Variants in RTN4R observed in about 807,000 individuals in gnomAD.
The protein encoded by RTN4R is reticulon 4 receptor, also known as reticulon-4 receptor.
RTN4R carries 4 observed loss-of-function variants against 27.7 expected under a neutral mutation model. The observed-to-expected ratio is 0.14, with a 90% CI of 0.07 to 0.33. The LOEUF (loss-of-function observed/expected upper bound fraction) is 0.33. Among genes scored for constraint, RTN4R ranks in the 10% least tolerant of loss-of-function variants. RTN4R has a pLI of 1.00. For missense variants in RTN4R, 554 were observed against 671.5 expected (o/e 0.83, Z 1.93); for synonymous variants, 290 against 305.6 (o/e 0.95, Z 0.53).
At chr22:20,246,364 A>G (rs2051140932) in intron 1 of RTN4R, among the ~76,000 whole-genome samples, 1 of 152,160 alleles carries the variant, frequency 6.6e-6, no homozygotes, top group African/African-American at 2.4e-5. Flanking sequence ...CGGGAGCAAC[A>G]GGCAGCCCAG....
chr22:20,268,305 C>CGCG lies in RTN4R; in HGVS notation c.-214_-213insCGC, dbSNP rs2051292962. On this transcript the variant is annotated 5_prime_UTR_variant, in exon 1 of 2. Transcript: ENST00000043402. ...CGCAGGGCGCACAGGGCGAGGGCGG[C>CGCG]GGCGGCGCGGGGGTTGGGGCGTGGG... The CGCG allele has an allele frequency of 2.5e-3, 2 of 810 alleles. No homozygotes were observed. Among genetic ancestry groups the CGCG allele is most frequent in the African/African-American group, 4.7e-3 (1 of 214 alleles). The allele number at this position is 810 out of a possible 1,614,324, so 0.1% of individuals were successfully genotyped here. A position where few individuals can be genotyped will look rare whatever the true frequency, so the allele number is the denominator to read the frequency against.
At chr22:20,253,817 G>T (rs1169415437) in intron 1 of RTN4R, among the ~76,000 whole-genome samples, 1 of 150,806 alleles carries the variant, frequency 6.6e-6, no homozygotes, top group East Asian at 2.0e-4. Context: ...AAGAGTGCCT[G>T]GAAATTAAAA....
chr22:20,241,738 C>A lies in RTN4R; in HGVS notation c.1395G>T (p.Val465=). 1.9e-6 allele frequency: 3 copies of A among 1,550,794 alleles called. No individual in the cohort carries two copies. The highest frequency in any genetic ancestry group is 2.6e-6 in the Non-Finnish European group (3 of 1,147,162). The change falls in exon 2 of 2, where the codon GTG becomes GTT. Residue 465 remains valine (V), a synonymous_variant. Coordinates refer to ENST00000043402, the MANE Select transcript of RTN4R (RefSeq NM_023004.6). ...AGCAGGGCCCAAGCACTGTCCACAG[C>A]ACCAGCGCCAGGCCCAGGGGGGTGA... ...CSLTPLGLAL[V]LWTVLGPC is the part of the protein sequence containing the mutation.
intron 1 of RTN4R, among the ~76,000 whole-genome samples, chr22:20,267,849 G>A (rs951652187): frequency 6.6e-6 from 1 of 151,998 alleles, no homozygotes; most frequent in Non-Finnish European, 1.5e-5. Context: ...CAACTTTCCC[G>A]GGAAGCGGCA....
chr22:20,248,735 G>A (rs1385556227), intron 1 of RTN4R, among the ~76,000 whole-genome samples: 1 of 152,178 alleles, frequency 6.6e-6, no homozygotes, highest in Non-Finnish European at 1.5e-5. Flanking sequence ...GAGCCACAGA[G>A]GCCTGAGCCA....
chr22:20,262,041 C>T (rs886194217), intron 1 of RTN4R, among the ~76,000 whole-genome samples: 1 of 152,192 alleles, frequency 6.6e-6, no homozygotes, highest in Admixed American at 6.5e-5. Context: ...GAGCCGGGGC[C>T]GGCTGTGGCC....
chr22:20,243,674 C>T (rs576077666), intron 1 of RTN4R: 13 of 393,688 alleles, frequency 3.3e-5, no homozygotes, highest in African/African-American at 6.3e-5. Flanking sequence ...AGCCTGCTCC[C>T]TCCTCCACAC....
At position 20,243,084 on chromosome 22, in the gene RTN4R, A is replaced by G; in HGVS notation, c.49T>C (p.Trp17Arg). ...GGSRLLAWVL[W>R]LQAWQVAAPC... ...GCTGCCACCTGCCAGGCCTGCAGCC[A>G]CAGCACCCATGCCAGCAGCCGGCTC... The change falls in exon 2 of 2, where the codon TGG becomes CGG. Residue 17 changes from tryptophan (W) to arginine (R), a missense_variant. Physicochemically the swap from Trp to Arg is moderately radical, Grantham distance 101. Transcript: ENST00000043402. 1.9e-6 allele frequency: 3 copies of G among 1,600,198 alleles called. No individual in the cohort carries two copies. The highest frequency in any genetic ancestry group is 2.5e-6 in the Non-Finnish European group (3 of 1,179,808).
intron 1 of RTN4R, among the ~76,000 whole-genome samples, chr22:20,249,451 T>G (rs1164898141): frequency 1.3e-5 from 2 of 152,206 alleles, no homozygotes; most frequent in Admixed American, 6.5e-5. Flanking sequence ...TGCACAAGGC[T>G]GACCACTGCC....
chr22:20,256,290 A>G (rs987394004), intron 1 of RTN4R, among the ~76,000 whole-genome samples: 2 of 152,198 alleles, frequency 1.3e-5, no homozygotes, highest in African/African-American at 2.4e-5. Context: ...GCGTCACCAC[A>G]GGGTCATCAG....
intron 1 of RTN4R, among the ~76,000 whole-genome samples, chr22:20,265,664 C>T (rs2145987335): frequency 6.6e-6 from 1 of 152,360 alleles, no homozygotes; most frequent in East Asian, 1.9e-4. Flanking sequence ...CCCCTCTCCA[C>T]TCACCTGTGG....
chr22:20,262,500 C>T (rs2051253728), intron 1 of RTN4R, among the ~76,000 whole-genome samples: 2 of 152,204 alleles, frequency 1.3e-5, no homozygotes, highest in Non-Finnish European at 2.9e-5. Flanking sequence ...TCCACCTCCA[C>T]CTTCCACATC....
chr22:20,266,860 G>A (rs1233813130), intron 1 of RTN4R, among the ~76,000 whole-genome samples: 1 of 152,238 alleles, frequency 6.6e-6, no homozygotes, highest in African/African-American at 2.4e-5. Context: ...AGACACACGT[G>A]CAGATGCATA....
chr22:20,248,562 G>A (rs1472598407), intron 1 of RTN4R, among the ~76,000 whole-genome samples: 5 of 152,218 alleles, frequency 3.3e-5, no homozygotes, highest in African/African-American at 7.2e-5. Context: ...CCCTCCCTCC[G>A]TACCTTGGCA....
chr22:20,261,918 C>G (rs181403602), intron 1 of RTN4R, among the ~76,000 whole-genome samples: 15 of 152,352 alleles, frequency 9.8e-5, no homozygotes, highest in African/African-American at 3.6e-4. Flanking sequence ...ACGAAGGGGC[C>G]AAAGCTTCAC....
intron 1 of RTN4R, among the ~76,000 whole-genome samples, chr22:20,249,448 G>A (rs1038354142): frequency 5.3e-5 from 8 of 152,356 alleles, no homozygotes; most frequent in Admixed American, 5.2e-4. Flanking sequence ...GCATGCACAA[G>A]GCTGACCACT....
intron 1 of RTN4R, among the ~76,000 whole-genome samples, chr22:20,246,853 G>A (rs1197365612): frequency 2.0e-5 from 3 of 152,232 alleles, no homozygotes; most frequent in South Asian, 2.1e-4. Context: ...TGGGATCACC[G>A]GAGGGTCCCA....
chr22:20,265,868 C>T (rs1233610779), intron 1 of RTN4R, among the ~76,000 whole-genome samples: 1 of 152,226 alleles, frequency 6.6e-6, no homozygotes, highest in East Asian at 1.9e-4. Context: ...CCAGCCTCAG[C>T]CTGGAAGTGC....
At position 20,259,842 on chromosome 22, in the gene RTN4R, G is replaced by A. The variant is rs778481337; in HGVS notation, c.22+8229C>T. 2.0e-5 allele frequency among the ~76,000 whole-genome samples: 3 copies of A among 152,218 alleles called. 1 individual carries two copies. Among genetic ancestry groups the A allele is most frequent in the Non-Finnish European group, 2.9e-5 (2 of 68,038 alleles). On this transcript the variant is annotated intron_variant, in intron 1 of 1. Transcript: ENST00000043402. The stretch of plus-strand genomic sequence containing the variant: ...CAGCATGTTTCCCTGGAATCTGGGG[G>A]ACTTGGGGGTAGAGCATGTCAAGAA...
Sources: allele counts gnomAD v4.1 joint callset (sites outside exome capture counted in the v4.1 genomes callset), GRCh38; gene constraint gnomAD v4.1.1; transcripts MANE v1.5; gene names NCBI Gene and HGNC (gene_info 2026-07-23, HGNC 2026-07-21).